Variants in TP63 observed in about 807,000 individuals in gnomAD.
TP63 encodes tumor protein p63.
Under a neutral mutation model 82.8 loss-of-function variants are expected in TP63, and 17 were observed. The observed-to-expected ratio is 0.21, with a 90% CI of 0.14 to 0.31. The LOEUF is 0.31. TP63 is among the 10% of genes least tolerant of loss of function. The pLI, the probability that TP63 is intolerant of heterozygous loss-of-function variation, is 1.00. For missense variants in TP63, 648 were observed against 895.3 expected (o/e 0.72, Z 3.52); for synonymous variants, 330 against 321.7 (o/e 1.03, Z -0.28).
intron 9 of TP63, among the ~76,000 whole-genome samples, chr3:189,871,985 G>A (rs1718478693): frequency 6.6e-6 from 1 of 152,140 alleles, no homozygotes; most frequent in Admixed American, 6.5e-5. Context: ...CGGGATTGTA[G>A]GTGTGAGCCA....
intron 10 of TP63, among the ~76,000 whole-genome samples, chr3:189,875,615 T>TATATATACACAC (rs1424366953): frequency 4.5e-5 from 5 of 110,386 alleles, no homozygotes; most frequent in Admixed American, 8.5e-5. Flanking sequence ...TATATATATA[T>TATATATACACAC]ATATATATAT....
chr3:189,638,494 T>G (rs1366832863), intron 1 of TP63, among the ~76,000 whole-genome samples: 1 of 152,108 alleles, frequency 6.6e-6, no homozygotes, highest in East Asian at 1.9e-4. Context: ...TTCTTATTAC[T>G]AGTTTCTGTT....
chr3:189,728,067 A>G (rs1719895665), intron 1 of TP63, among the ~76,000 whole-genome samples: 1 of 152,056 alleles, frequency 6.6e-6, no homozygotes, highest in Non-Finnish European at 1.5e-5. Context: ...TGTACACTTT[A>G]TGTCTGAAGA....
chr3:189,862,559 A>G (rs1371505392), intron 4 of TP63, among the ~76,000 whole-genome samples: 1 of 152,178 alleles, frequency 6.6e-6, no homozygotes, highest in Non-Finnish European at 1.5e-5. Context: ...GCCTTTAGGT[A>G]TTAGTTGACA....
intron 3 of TP63, among the ~76,000 whole-genome samples, chr3:189,781,519 G>C (rs567504283): frequency 1.3e-5 from 2 of 152,214 alleles, no homozygotes; most frequent in Non-Finnish European, 2.9e-5. Context: ...AACTCTCTAA[G>C]AGCAAAATGC....
At chr3:189,791,474 T>C (rs1312285347) in intron 3 of TP63, among the ~76,000 whole-genome samples, 2 of 152,136 alleles carry the variant, frequency 1.3e-5, no homozygotes, top group African/African-American at 4.8e-5. Context: ...TGTGAGAATA[T>C]GGCATGCTTA....
At position 189,765,521 on chromosome 3, in the gene TP63, C is replaced by T. The variant is rs1353797980; in HGVS notation, c.324+26747C>T. ...GGGGATCTTGGCTCACTGCAAGCTCCGCCTCCCGGGTTCACGCCATTCTGC... is the reference window on the plus strand; with the variant it reads ...GGGGATCTTGGCTCACTGCAAGCTCTGCCTCCCGGGTTCACGCCATTCTGC... On this transcript the variant is annotated intron_variant, in intron 3 of 13. Transcript: ENST00000264731. Among the ~76,000 whole-genome samples the T allele has an allele frequency of 3.8e-5, 5 of 132,100 alleles. No individual in the cohort carries two copies. The South Asian group carries it at 7.8e-4, about 21-fold the overall frequency. 86.7% of individuals were successfully genotyped at this position (132,100 alleles called of 152,430 possible). A position where few individuals can be genotyped will look rare whatever the true frequency, so the allele number is the denominator to read the frequency against.
chr3:189,844,406 C>T lies in TP63; in HGVS notation c.580-19826C>T, dbSNP rs541827986. The T allele has an allele frequency of 8.8e-4, 300 of 340,826 alleles. 2 individuals are homozygous for T. Among genetic ancestry groups the T allele is most frequent in the South Asian group, 6.4e-3 (292 of 45,546 alleles). The allele number at this position is 340,826 out of a possible 1,614,324, so 21.1% of individuals were successfully genotyped here. ...ATTCAAGCGATTCTCCTTTCTCAGC[C>T]TCCCAAGTAGGTGGGATTACAGACA... On this transcript the variant is annotated intron_variant, in intron 4 of 13. Coordinates refer to ENST00000264731, the MANE Select transcript of TP63 (RefSeq NM_003722.5).
At chr3:189,860,547 A>G (rs1164535724) in intron 4 of TP63, among the ~76,000 whole-genome samples, 2 of 152,228 alleles carry the variant, frequency 1.3e-5, no homozygotes, top group Non-Finnish European at 2.9e-5. Flanking sequence ...GTAAAAAGAA[A>G]AAAAAGCGAT....
intron 3 of TP63, among the ~76,000 whole-genome samples, chr3:189,739,884 G>T (rs1354787288): frequency 6.6e-6 from 1 of 151,590 alleles, no homozygotes; most frequent in Non-Finnish European, 1.5e-5. Flanking sequence ...TAGACAGCGG[G>T]GTGTCATAGA....
At chr3:189,597,913 A>T in the TP63 span, among the ~76,000 whole-genome samples, 1 of 146,268 alleles carries the variant, frequency 6.8e-6, no homozygotes, top group Non-Finnish European at 1.5e-5. Context: ...TAGGCAATAG[A>T]GTGAGACCCT....
At chr3:189,616,995 A>G in the TP63 span, among the ~76,000 whole-genome samples, 1 of 152,168 alleles carries the variant, frequency 6.6e-6, no homozygotes, top group East Asian at 1.9e-4. Context: ...GAACCCAAAA[A>G]TAACTATCAG....
At chr3:189,715,469 A>T (rs1718890808) in intron 1 of TP63, among the ~76,000 whole-genome samples, 1 of 152,218 alleles carries the variant, frequency 6.6e-6, no homozygotes, top group African/African-American at 2.4e-5. Context: ...TACCTTTGCT[A>T]TTCTAGGGAA....
In TP63 at chr3:189,774,659, T is replaced by A. The variant is rs144567072; in HGVS notation, c.325-33613T>A. Among the ~76,000 whole-genome samples the A allele has an allele frequency of 4.5e-3, 681 of 152,306 alleles. 4 individuals carry two copies. The highest frequency in any genetic ancestry group is 0.014 in the African/African-American group (574 of 41,572). ...GACAACCCTTACAGTTACCTGTAAATGAGATGATGTAGGTGTTGTTATCCC... is the reference window on the plus strand; with the variant it reads ...GACAACCCTTACAGTTACCTGTAAAAGAGATGATGTAGGTGTTGTTATCCC... On this transcript the variant is annotated intron_variant, in intron 3 of 13. Coordinates refer to ENST00000264731, the MANE Select transcript of TP63 (RefSeq NM_003722.5).
chr3:189,873,314 T>C (rs1718665399), intron 10 of TP63: 1 of 408,702 alleles, frequency 2.4e-6, no homozygotes. Flanking sequence ...ACACTCTATT[T>C]GGTAGTGATG....
intron 1 of TP63, among the ~76,000 whole-genome samples, chr3:189,735,068 T>G (rs150734204): frequency 1.3e-5 from 2 of 152,332 alleles, no homozygotes; most frequent in East Asian, 1.9e-4. Context: ...AATGACCTCC[T>G]TATGTCAAAT....
chr3:189,670,528 TTAAA>T (rs1433560514), intron 1 of TP63, among the ~76,000 whole-genome samples: 1 of 151,874 alleles, frequency 6.6e-6, no homozygotes, highest in Non-Finnish European at 1.5e-5. Flanking sequence ...TATCTGGAAA[TTAAA>T]TAAGAATCTT....
chr3:189,741,244 A>T (rs1720965234), intron 3 of TP63, among the ~76,000 whole-genome samples: 1 of 152,128 alleles, frequency 6.6e-6, no homozygotes, highest in Admixed American at 6.5e-5. Context: ...ACAACGTAGA[A>T]ATCCTGGGGC....
intron 10 of TP63, among the ~76,000 whole-genome samples, chr3:189,883,217 C>T (rs999059056): frequency 6.6e-6 from 1 of 152,080 alleles, no homozygotes; most frequent in Non-Finnish European, 1.5e-5. Context: ...TCAAGGCTTT[C>T]AAATTGGCTG....
Sources: allele counts gnomAD v4.1 joint callset (sites outside exome capture counted in the v4.1 genomes callset), GRCh38; gene constraint gnomAD v4.1.1; transcripts MANE v1.5; gene names NCBI Gene and HGNC (gene_info 2026-07-23, HGNC 2026-07-21).